The following GRIN1 variants were observed in gnomAD, a reference collection of about 807,000 sequenced individuals.
The protein encoded by GRIN1 is glutamate receptor ionotropic, NMDA 1.
A neutral mutation model predicts 103.0 loss-of-function variants in GRIN1; 38 were observed. That is an observed-to-expected ratio of 0.37 (90% CI 0.28 to 0.48). GRIN1 has a LOEUF of 0.48. GRIN1 is among the 20% of genes least tolerant of loss of function. GRIN1 has a pLI of 0.98. For missense variants in GRIN1, 577 were observed against 1,288.9 expected, an observed-to-expected ratio of 0.45 and a Z score of 8.46; for synonymous variants, 544 against 532.7, an observed-to-expected ratio of 1.02 and a Z score of -0.29.
In GRIN1 at chr9:137,168,753, C is replaced by T. The variant is rs1436536165; in HGVS notation, c.*1226C>T. ...AGTGGTGATGCCTAAAGGAATGTCA[C>T]GCAGTTTTCGGTCTGTGTCGCTTGT... On this transcript the variant is annotated 3_prime_UTR_variant, in exon 20 of 20. Coordinates refer to ENST00000371561, the MANE Select transcript of GRIN1 (RefSeq NM_007327.4). The T allele has an allele frequency of 3.4e-6, 3 of 881,498 alleles. No homozygotes were observed. The highest frequency in any genetic ancestry group is 4.4e-6 in the Non-Finnish European group (3 of 677,856). 54.6% of individuals were successfully genotyped at this position (881,498 alleles called of 1,614,324 possible).
At chr9:137,157,304 T>C (rs1359292545) in intron 6 of GRIN1, among the ~76,000 whole-genome samples, 1 of 152,166 alleles carries the variant, frequency 6.6e-6, no homozygotes, top group South Asian at 2.1e-4. Context: ...CAGTGGAGCC[T>C]GCTGCCAACA....
rs1234378500 is a variant in GRIN1, at chr9:137,163,747, C to T, written c.2444-12C>T. ...CTGGCCAGCAACTGAGGCTCTGGGT[C>T]CCGGCACACAGGGGTCTTCATGCTG... is the stretch of plus-strand genomic sequence containing the variant. On this transcript the variant is annotated splice_polypyrimidine_tract_variant and intron_variant, in intron 17 of 19. Coordinates refer to ENST00000371561, the MANE Select transcript of GRIN1 (RefSeq NM_007327.4). 1.2e-6 allele frequency: 2 copies of T among 1,613,728 alleles called. No individual in the cohort carries two copies. The highest frequency in any genetic ancestry group is 1.7e-6 in the Non-Finnish European group (2 of 1,180,018).
intron 10 of GRIN1, 27 bp from the exon 11 acceptor site, chr9:137,161,897 A>G: frequency 1.3e-6 from 2 of 1,548,846 alleles, no homozygotes; most frequent in Non-Finnish European, 1.7e-6. Flanking sequence ...CGCTGCCTGC[A>G]TGCCCGCCGG....
At chr9:137,164,071 C>T in intron 18 of GRIN1, 167 bp downstream of exon 18, 2 of 836,156 alleles carry the variant, frequency 2.4e-6, no homozygotes, top group Non-Finnish European at 4.0e-6. Flanking sequence ...GGGGGCAGCA[C>T]CGGTGGGGGG....
chr9:137,151,142 C>T (rs1276819079), intron 4 of GRIN1, among the ~76,000 whole-genome samples: 2 of 139,700 alleles, frequency 1.4e-5, no homozygotes, highest in African/African-American at 5.4e-5. Context: ...AAGCCCTGCC[C>T]AGAAAAAGTC....
intron 2 of GRIN1, among the ~76,000 whole-genome samples, chr9:137,145,491 A>G (rs1333965292): frequency 9.5e-6 from 1 of 105,484 alleles, no homozygotes; most frequent in African/African-American, 4.4e-5. Flanking sequence ...GGGTGGGGAC[A>G]GGGGTGGGAG....
Position 137,162,526 on chromosome 9 carries a change from C to A in GRIN1, c.1864+10C>A. The A allele has an allele frequency of 6.2e-7, 1 of 1,610,646 alleles. No individual in the cohort carries two copies. The highest frequency in any genetic ancestry group is 8.5e-7 in the Non-Finnish European group (1 of 1,178,956). ...TCCGGCATCGGGGAAGGTAAGGCCCCGCCCGGCCCGCCTGGTCCCGCCTCG... is the reference window on the plus strand; with the variant it reads ...TCCGGCATCGGGGAAGGTAAGGCCCAGCCCGGCCCGCCTGGTCCCGCCTCG... On this transcript the variant is annotated intron_variant, in intron 13 of 19. Transcript: ENST00000371561.
chr9:137,148,318 C>A lies in GRIN1; in HGVS notation c.571-691C>A, dbSNP rs995457837. The A allele has an allele frequency of 1.3e-5, 10 of 747,882 alleles. No homozygotes were observed. The African/African-American group carries it at 1.6e-4, about 12-fold the overall frequency. 46.3% of individuals were successfully genotyped at this position (747,882 alleles called of 1,614,324 possible). A position where few individuals can be genotyped will look rare whatever the true frequency, so the allele number is the denominator to read the frequency against. ...TGGCCCAGCCGCCGAGCCGCAGGCC[C>A]AAGCAATGAGGAGAGGCAGCCGGCA... is the stretch of plus-strand genomic sequence containing the variant. On this transcript the variant is annotated intron_variant, in intron 3 of 19. Transcript: ENST00000371561.
In GRIN1 at chr9:137,146,638, C is replaced by T. The variant is rs1053029216; in HGVS notation, c.570+736C>T. Among the ~76,000 whole-genome samples, 15 of 152,290 alleles carry T rather than the reference C, an allele frequency of 9.8e-5. No homozygotes were observed. Among genetic ancestry groups the T allele is most frequent in the Admixed American group, 7.2e-4 (11 of 15,300 alleles). The stretch of plus-strand genomic sequence containing the variant: ...CGAGCGACCCCTTTCCCCTTCCTTA[C>T]CACTCCCATTTGCAGTCTGGGGCAG... On this transcript the variant is annotated intron_variant, in intron 3 of 19. Coordinates refer to ENST00000371561, the MANE Select transcript of GRIN1 (RefSeq NM_007327.4). The surrounding 1 kb of genome is among the most constrained non-coding windows in gnomAD (Gnocchi z 6.7).
At position 137,161,935 on chromosome 9, in the gene GRIN1, C is replaced by T; in HGVS notation, c.1479C>T (p.Ser493=). Reference sequence around the variant, plus strand: ...CTGTCGCCTCGCAGGTGAACAACAGCAACAAGAAGGAGTGGAATGGGATGA... The same window carrying T: ...CTGTCGCCTCGCAGGTGAACAACAGTAACAAGAAGGAGTGGAATGGGATGA... ...KFGTQERVNN[S]NKKEWNGMMG... is the part of the protein sequence containing the mutation. The change falls in exon 11 of 20, where the codon AGC becomes AGT. Residue 493 remains serine, a synonymous_variant. Coordinates refer to ENST00000371561, the MANE Select transcript of GRIN1 (RefSeq NM_007327.4). 2 of 1,562,580 alleles carry T rather than the reference C, an allele frequency of 1.3e-6. No individual in the cohort carries two copies. The highest frequency in any genetic ancestry group is 1.7e-6 in the Non-Finnish European group (2 of 1,153,760).
intron 2 of GRIN1, among the ~76,000 whole-genome samples, chr9:137,142,430 G>A (rs1000297337): frequency 2.0e-5 from 3 of 152,176 alleles, no homozygotes; most frequent in South Asian, 2.1e-4. Context: ...CCCAGAGCAG[G>A]CCAAAGGGAG....
chr9:137,159,399 G>C (rs944678327), intron 8 of GRIN1, among the ~76,000 whole-genome samples: 12 of 152,202 alleles, frequency 7.9e-5, no homozygotes, highest in Non-Finnish European at 1.2e-4. Context: ...GACCCTGTCT[G>C]TTTTCTGAGC....
At position 137,147,471 on chromosome 9, in the gene GRIN1, C is replaced by T. The variant is rs576429224; in HGVS notation, c.571-1538C>T. Among the ~76,000 whole-genome samples the T allele has an allele frequency of 1.6e-3, 241 of 152,240 alleles. 2 individuals are homozygous for T. Among genetic ancestry groups the T allele is most frequent in the African/African-American group, 5.4e-3 (223 of 41,546 alleles). Reference sequence around the variant, plus strand: ...ATGCACACGCACACACATGCACACACGCACACACAAGCACGCACACACGCA... The same window carrying T: ...ATGCACACGCACACACATGCACACATGCACACACAAGCACGCACACACGCA... On this transcript the variant is annotated intron_variant, in intron 3 of 19. Coordinates refer to ENST00000371561, the MANE Select transcript of GRIN1 (RefSeq NM_007327.4).
chr9:137,148,393 C>T (rs1832665813), intron 3 of GRIN1, among the ~76,000 whole-genome samples: 1 of 152,108 alleles, frequency 6.6e-6, no homozygotes, highest in Admixed American at 6.5e-5. Flanking sequence ...GGCGTGGGTG[C>T]CTGAGGCCCA....
intron 8 of GRIN1, 103 bp from the exon 9 acceptor site, chr9:137,160,953 G>A: frequency 6.9e-7 from 1 of 1,453,654 alleles, no homozygotes; most frequent in Non-Finnish European, 9.5e-7. Context: ...GGGTGCGTCG[G>A]GGATTAAGAG....
chr9:137,141,897 G>C, intron 1 of GRIN1, 116 bp from the exon 2 acceptor site: 1 of 1,090,016 alleles, frequency 9.2e-7, no homozygotes, highest in South Asian at 1.2e-5. Context: ...CCCGAATCAT[G>C]CCCCCAGCCC....
chr9:137,161,205 C>A lies in GRIN1; in HGVS notation c.1339+8C>A, dbSNP rs1333160399. The A allele has an allele frequency of 1.9e-6, 3 of 1,607,516 alleles. No homozygotes were observed. The highest frequency in any genetic ancestry group is 3.4e-5 in the Admixed American group (2 of 59,382). ...ACACGTCGCCGGGCAGCCGTGAGTGCGCGGGGCAGGGCGCGGGGCGCGGGG... is the reference window on the plus strand; with the variant it reads ...ACACGTCGCCGGGCAGCCGTGAGTGAGCGGGGCAGGGCGCGGGGCGCGGGG... On this transcript the variant is annotated splice_region_variant and intron_variant, in intron 9 of 19. Coordinates refer to ENST00000371561, the MANE Select transcript of GRIN1 (RefSeq NM_007327.4).
chr9:137,141,130 C>T (rs1588684667), intron 1 of GRIN1, among the ~76,000 whole-genome samples: 1 of 152,214 alleles, frequency 6.6e-6, no homozygotes, highest in African/African-American at 2.4e-5. Flanking sequence ...GCAATGCCTG[C>T]AGCTACCACT....
At position 137,167,397 on chromosome 9, in the gene GRIN1, G is replaced by A. The variant is rs1479013439; in HGVS notation, c.2701-14G>A. On this transcript the variant is annotated splice_polypyrimidine_tract_variant and intron_variant, in intron 19 of 19. Coordinates refer to ENST00000371561, the MANE Select transcript of GRIN1 (RefSeq NM_007327.4). ...CGGGGCCAGCGGGTATTGATTGTTG[G>A]TTCTTATTTATAGAGCACCGGGGGT... is the stretch of plus-strand genomic sequence containing the variant. 1.3e-6 allele frequency: 2 copies of A among 1,555,560 alleles called. No individual in the cohort carries two copies. Among genetic ancestry groups the A allele is most frequent in the Non-Finnish European group, 1.7e-6 (2 of 1,148,580 alleles).
Sources: gnomAD v4.1 joint callset for allele counts (sites outside exome capture counted in the v4.1 genomes callset) on GRCh38, gnomAD v4.1.1 for gene constraint, Gnocchi (gnomAD v3.1) non-coding constraint, MANE v1.5 for transcripts, NCBI Gene and HGNC (gene_info 2026-07-23, HGNC 2026-07-21) for gene names.